Variants in YY1AP1 observed in about 807,000 individuals in gnomAD.
YY1AP1 encodes the protein YY1-associated protein 1.
A neutral mutation model predicts 39.9 loss-of-function variants in YY1AP1; 43 were observed. That is an observed-to-expected ratio of 1.08 (90% CI 0.84 to 1.39). YY1AP1 has a LOEUF of 1.39. Ranked by LOEUF, YY1AP1 falls within the 40% of genes most tolerant of loss-of-function variation. The pLI is 0.00. For missense variants in YY1AP1, 813 were observed against 900.7 expected (o/e 0.90, Z 1.25); for synonymous variants, 292 against 331.3 (o/e 0.88, Z 1.29).
chr1:155,663,612 G>A (rs1048457634), intron 9 of YY1AP1, among the ~76,000 whole-genome samples: 5 of 151,668 alleles, frequency 3.3e-5, no homozygotes, highest in African/African-American at 4.8e-5. Context: ...CCAGCTCCTC[G>A]GGACGCTGAA....
At chr1:155,671,764 T>C (rs1649901344) in intron 7 of YY1AP1, among the ~76,000 whole-genome samples, 1 of 152,332 alleles carries the variant, frequency 6.6e-6, no homozygotes, top group African/African-American at 2.4e-5. Context: ...TAATTTGGTA[T>C]TAAATCACGT....
intron 7 of YY1AP1, chr1:155,670,785 C>T (rs552829602): frequency 1.8e-4 from 51 of 287,766 alleles, no homozygotes; most frequent in African/African-American, 1.1e-3. Flanking sequence ...GGCCATTCTC[C>T]TGCCTCAGCC....
In YY1AP1 at chr1:155,672,672, C is replaced by G. The variant is rs1214744070; in HGVS notation, c.471G>C (p.Lys157Asn). The change falls in exon 7 of 11, where the codon AAG (lysine) becomes AAC (asparagine). Residue 157 changes from lysine to asparagine, a missense_variant. Around this residue, in one of 3 missense-constraint regions of YY1AP1, gnomAD observed 196 missense variants for 189.7 expected, o/e 1.03. Coordinates refer to ENST00000355499, the MANE Select transcript of YY1AP1 (RefSeq NM_139119.3). ...TACAGGGTTGGAACAGGGTCTGAAACTTGGGGTTGTACTGATGGTGAAGGG... is the reference window on the plus strand; with the variant it reads ...TACAGGGTTGGAACAGGGTCTGAAAGTTGGGGTTGTACTGATGGTGAAGGG... ...SIALHHQYNP[K>N]FQTLFQPCNL... 1.2e-6 allele frequency: 2 copies of G among 1,614,122 alleles called. No homozygotes were observed. Among genetic ancestry groups the G allele is most frequent in the Admixed American group, 1.7e-5 (1 of 60,016 alleles).
chr1:155,676,102 G>A (rs1255421325), intron 5 of YY1AP1, among the ~76,000 whole-genome samples: 1 of 152,010 alleles, frequency 6.6e-6, no homozygotes, highest in Admixed American at 6.5e-5. Context: ...AGTCCCTGTA[G>A]TCACAGCTAC....
chr1:155,677,488 C>G (rs988843737), intron 4 of YY1AP1, among the ~76,000 whole-genome samples: 2 of 151,910 alleles, frequency 1.3e-5, no homozygotes, highest in Non-Finnish European at 1.5e-5. Flanking sequence ...AATAATATAC[C>G]TAAATGATTA....
At position 155,659,781 on chromosome 1, in the gene YY1AP1, T is replaced by G; in HGVS notation, c.2129A>C (p.Gln710Pro). Residue 710 changes from glutamine to proline, a missense_variant, in exon 11 of 11, where the codon CAA becomes CCA. Coordinates refer to ENST00000355499, the MANE Select transcript of YY1AP1 (RefSeq NM_139119.3). ...GCCCTGAGGGAGCGGCTCCAGAGCT[T>G]GCCTTCCCTCCTCTGTTTTCACAAC... ...WTVVKTEEGR[Q>P]ALEPLPQGIQ... 6.2e-7 allele frequency: 1 copy of G among 1,614,206 alleles called. No homozygotes were observed. Among genetic ancestry groups the G allele is most frequent in the Non-Finnish European group, 8.5e-7 (1 of 1,180,034 alleles).
At chr1:155,674,347 C>T (rs1650322582) in intron 6 of YY1AP1, among the ~76,000 whole-genome samples, 1 of 152,042 alleles carries the variant, frequency 6.6e-6, no homozygotes, top group Admixed American at 6.6e-5. Flanking sequence ...CCGGGTCTTA[C>T]TATGTTGCCC....
rs771851682 is a variant in YY1AP1 at position 155,688,127 on chromosome 1, G to A, written c.-77C>T. 2.5e-6 allele frequency: 4 copies of A among 1,612,000 alleles called. No homozygotes were observed. Among genetic ancestry groups the A allele is most frequent in the Admixed American group, 1.7e-5 (1 of 59,858 alleles). On this transcript the variant is annotated 5_prime_UTR_variant, in exon 2 of 11. Coordinates refer to ENST00000355499, the MANE Select transcript of YY1AP1 (RefSeq NM_139119.3). The stretch of plus-strand genomic sequence containing the variant: ...GGGAAGTGAGGAAGAGGGGGTGGCC[G>A]CCAGGCTCCTCCGCTTCCCTGGGTC...
At chr1:155,662,923 G>GA (rs1386291482) in intron 9 of YY1AP1, among the ~76,000 whole-genome samples, 1 of 152,138 alleles carries the variant, frequency 6.6e-6, no homozygotes, top group Non-Finnish European at 1.5e-5. Context: ...AGAATCACTT[G>GA]AACTGAGGAA....
Position 155,663,446 on chromosome 1 carries a change from C to G in YY1AP1, c.880-2023G>C, listed in dbSNP as rs182750809. Reference sequence around the variant, plus strand: ...GCCTTAAAACCATGGATACGCCAGGCATGGTGGCCCACACCTGTAATCCCA... The same window carrying G: ...GCCTTAAAACCATGGATACGCCAGGGATGGTGGCCCACACCTGTAATCCCA... On this transcript the variant is annotated intron_variant, in intron 9 of 10. Coordinates refer to ENST00000355499, the MANE Select transcript of YY1AP1 (RefSeq NM_139119.3). Among the ~76,000 whole-genome samples the G allele has an allele frequency of 3.7e-4, 56 of 151,604 alleles. 1 individual carries two copies. In the East Asian group the frequency reaches 0.011, roughly 29 times the overall value.
intron 4 of YY1AP1, among the ~76,000 whole-genome samples, chr1:155,677,451 T>C (rs750156077): frequency 2.6e-5 from 4 of 152,162 alleles, no homozygotes; most frequent in Non-Finnish European, 4.4e-5. Context: ...ACCTTTTCTA[T>C]GTTTACATAG....
chr1:155,688,819 T>C (rs572593060), upstream of YY1AP1: 6 of 1,569,066 alleles, frequency 3.8e-6, no homozygotes, highest in African/African-American at 6.8e-5. Flanking sequence ...GCGGGACTGT[T>C]CCATTCCTGG....
intron 7 of YY1AP1, chr1:155,672,258 T>C (rs525240): frequency 0.052 from 23,272 of 449,228 alleles, 4,775 homozygotes; most frequent in African/African-American, 0.43. Flanking sequence ...CTTGATCTGA[T>C]TCCTAATACT....
At chr1:155,669,382 T>C (rs1649520293) in intron 8 of YY1AP1, among the ~76,000 whole-genome samples, 1 of 152,088 alleles carries the variant, frequency 6.6e-6, no homozygotes, top group Non-Finnish European at 1.5e-5. Context: ...CTACTACAAG[T>C]TGGTGACTAC....
At chr1:155,667,095 A>C (rs1649121755) in intron 9 of YY1AP1, among the ~76,000 whole-genome samples, 2 of 152,242 alleles carry the variant, frequency 1.3e-5, no homozygotes, top group African/African-American at 4.8e-5. Flanking sequence ...CTGACGTTGG[A>C]AGAATGCTTG....
chr1:155,670,347 T>A lies in YY1AP1; in HGVS notation c.701A>T (p.Lys234Met). 6.2e-7 allele frequency: 1 copy of A among 1,612,702 alleles called. No individual in the cohort carries two copies. The highest frequency in any genetic ancestry group is 8.5e-7 in the Non-Finnish European group (1 of 1,179,936). The change falls in exon 8 of 11, where the codon AAG (lysine) becomes ATG (methionine). Residue 234 changes from lysine (K) to methionine (M), a missense_variant. This residue lies in a region of YY1AP1 where 586 missense variants were observed against 647.4 expected (regional missense o/e 0.91). Transcript: ENST00000355499. ...GTCCTCAGCCTTGGTGAAGAGGATCTTATCCTGGGGATTCTTTGCCTTCAG... is the reference window on the plus strand; with the variant it reads ...GTCCTCAGCCTTGGTGAAGAGGATCATATCCTGGGGATTCTTTGCCTTCAG... ...CSLKAKNPQDKILFTKAEDNL... is the reference protein window; with the variant it reads ...CSLKAKNPQDMILFTKAEDNL...
At chr1:155,678,862 T>C (rs990608441) in intron 4 of YY1AP1, among the ~76,000 whole-genome samples, 5 of 152,186 alleles carry the variant, frequency 3.3e-5, no homozygotes, top group Admixed American at 1.3e-4. Flanking sequence ...CAGAATAAAG[T>C]GCAGATGCAA....
At chr1:155,678,132 A>C (rs1650992170) in intron 4 of YY1AP1, among the ~76,000 whole-genome samples, 1 of 152,220 alleles carries the variant, frequency 6.6e-6, no homozygotes, top group Non-Finnish European at 1.5e-5. Context: ...GTTTACATAC[A>C]TATGTACTTA....
intron 4 of YY1AP1, 118 bp downstream of exon 4, chr1:155,679,291 C>T: frequency 6.4e-7 from 1 of 1,552,250 alleles, no homozygotes; most frequent in Non-Finnish European, 8.7e-7. Context: ...ACTCTGCATC[C>T]TTACATCAGT....
Sources: gnomAD v4.1 joint callset for allele counts (sites outside exome capture counted in the v4.1 genomes callset) on GRCh38, gnomAD v4.1.1 for gene constraint, gnomAD v4.1.1 regional missense constraint, MANE v1.5 for transcripts, NCBI Gene and HGNC (gene_info 2026-07-23, HGNC 2026-07-21) for gene names.